Variants in TGFB2 observed in about 807,000 individuals in gnomAD.
TGFB2 encodes transforming growth factor beta-2 proprotein.
A neutral mutation model predicts 42.7 loss-of-function variants in TGFB2; 13 were observed. The observed-to-expected ratio is 0.30, with a 90% CI of 0.20 to 0.48. TGFB2 has a LOEUF of 0.48. Among genes scored for constraint, TGFB2 ranks in the 20% least tolerant of loss-of-function variants. TGFB2 has a pLI of 0.99. For synonymous variants in TGFB2, 193 were observed against 193.6 expected (o/e 1.00, Z 0.03); for missense variants, 390 against 517.5 (o/e 0.75, Z 2.39).
chr1:218,362,871 T>C (rs1487863891), intron 1 of TGFB2, among the ~76,000 whole-genome samples: 1 of 152,202 alleles, frequency 6.6e-6, no homozygotes, highest in African/African-American at 2.4e-5. Flanking sequence ...AGAAGGAGTT[T>C]TCACATGCGG....
intron 6 of TGFB2, among the ~76,000 whole-genome samples, chr1:218,439,783 G>A (rs1019053202): frequency 2.0e-5 from 3 of 152,234 alleles, no homozygotes; most frequent in South Asian, 2.1e-4. Flanking sequence ...GATACACAGA[G>A]GGAGTGTGTG....
At chr1:218,432,921 TTTAG>T (rs1490898714) in intron 2 of TGFB2, among the ~76,000 whole-genome samples, 2 of 152,186 alleles carry the variant, frequency 1.3e-5, no homozygotes, top group African/African-American at 4.8e-5. Flanking sequence ...AGAATCATGA[TTTAG>T]TTCCTAAAAC....
At chr1:218,425,330 C>T (rs1659586645) in intron 2 of TGFB2, among the ~76,000 whole-genome samples, 1 of 152,100 alleles carries the variant, frequency 6.6e-6, no homozygotes, top group Non-Finnish European at 1.5e-5. Flanking sequence ...GCCTCAGCCT[C>T]CCGAGTAGCT....
chr1:218,378,249 T>TCA (rs1657815946), intron 1 of TGFB2, among the ~76,000 whole-genome samples: 1 of 152,204 alleles, frequency 6.6e-6, no homozygotes, highest in African/African-American at 2.4e-5. Context: ...CGATCTTAGC[T>TCA]CACTGCAACC....
chr1:218,348,080 AAAAG>A (rs10671658), intron 1 of TGFB2, among the ~76,000 whole-genome samples: 12 of 152,056 alleles, frequency 7.9e-5, no homozygotes, highest in South Asian at 6.2e-4. Context: ...AAAAAGAAAA[AAAAG>A]AAAGAAAGAA....
intron 1 of TGFB2, among the ~76,000 whole-genome samples, chr1:218,348,901 C>T (rs1305710491): frequency 6.6e-6 from 1 of 152,192 alleles, no homozygotes; most frequent in African/African-American, 2.4e-5. Flanking sequence ...ATCCCATTTA[C>T]TGAATAGGTG....
rs79324905 is a variant in TGFB2, at chr1:218,363,663, T to C, written c.346+16616T>C. Among the ~76,000 whole-genome samples, 94 of 152,258 alleles carry C rather than the reference T, an allele frequency of 6.2e-4. 2 individuals carry two copies. The East Asian group carries it at 0.012, about 20-fold the overall frequency. ...CATGTAAAAGAATGACTTGTGGGGA[T>C]GAGATATGTGTTTTAGGGGTCACAG... On this transcript the variant is annotated intron_variant, in intron 1 of 6. Transcript: ENST00000366930.
At chr1:218,401,361 G>C (rs1658713691) in intron 1 of TGFB2, among the ~76,000 whole-genome samples, 1 of 152,000 alleles carries the variant, frequency 6.6e-6, no homozygotes, top group African/African-American at 2.4e-5. Flanking sequence ...CCAAAATATG[G>C]TTTTGCAGGC....
intron 1 of TGFB2, among the ~76,000 whole-genome samples, chr1:218,366,112 A>C (rs1349030155): frequency 6.6e-6 from 1 of 152,230 alleles, no homozygotes; most frequent in Non-Finnish European, 1.5e-5. Flanking sequence ...AATATTGGTT[A>C]AGATGTGGTT....
At chr1:218,376,216 G>A (rs1310196220) in intron 1 of TGFB2, among the ~76,000 whole-genome samples, 3 of 152,158 alleles carry the variant, frequency 2.0e-5, no homozygotes, top group Admixed American at 1.3e-4. Flanking sequence ...AGTGAATAAG[G>A]CAGAATGACA....
At chr1:218,406,587 T>A (rs945106122) in intron 2 of TGFB2, among the ~76,000 whole-genome samples, 28 of 152,190 alleles carry the variant, frequency 1.8e-4, no homozygotes, top group African/African-American at 6.0e-4. Context: ...ATATGAATAG[T>A]GGTACTTGCA....
chr1:218,391,043 T>C (rs1356976347), intron 1 of TGFB2, among the ~76,000 whole-genome samples: 1 of 152,214 alleles, frequency 6.6e-6, no homozygotes, highest in Non-Finnish European at 1.5e-5. Context: ...CTACTATCTT[T>C]ATATTCTAGA....
Position 218,397,707 on chromosome 1 carries a change from C to G in TGFB2, c.347-7462C>G, listed in dbSNP as rs558174830. ...TCAAGGAGTTTGCTAAAATGCAGAC[C>G]ACCATCCATACTCTTTAAGAAAGAC... On this transcript the variant is annotated intron_variant, in intron 1 of 6. Coordinates refer to ENST00000366930, the MANE Select transcript of TGFB2 (RefSeq NM_003238.6). Among the ~76,000 whole-genome samples, 12 of 152,162 alleles carry G rather than the reference C, an allele frequency of 7.9e-5. No individual in the cohort carries two copies. The South Asian group carries it at 2.5e-3, about 32-fold the overall frequency.
chr1:218,367,245 C>T (rs1024946433), intron 1 of TGFB2, among the ~76,000 whole-genome samples: 3 of 152,158 alleles, frequency 2.0e-5, no homozygotes, highest in Admixed American at 2.0e-4. Context: ...GCGCTGCTGA[C>T]CTCTTGGTGG....
intron 6 of TGFB2, 46 bp from the exon 7 acceptor site, chr1:218,441,158 T>A: frequency 6.4e-7 from 1 of 1,556,264 alleles, no homozygotes; most frequent in South Asian, 1.2e-5. Flanking sequence ...TTGCGTTCAT[T>A]TTCCGTCTTT....
chr1:218,423,405 A>AT (rs2102614904), intron 2 of TGFB2, among the ~76,000 whole-genome samples: 1 of 152,286 alleles, frequency 6.6e-6, no homozygotes, highest in South Asian at 2.1e-4. Context: ...ATCCCGTAGC[A>AT]TTGCATGGGG....
chr1:218,364,889 A>G (rs1657337452), intron 1 of TGFB2, among the ~76,000 whole-genome samples: 1 of 152,162 alleles, frequency 6.6e-6, no homozygotes, highest in South Asian at 2.1e-4. Context: ...TTTTGTTTTT[A>G]TACTCTAAAT....
intron 2 of TGFB2, among the ~76,000 whole-genome samples, chr1:218,414,227 GCA>G (rs5781033): frequency 0.25 from 36,018 of 145,348 alleles, 4,959 homozygotes; most frequent in East Asian, 0.64. Context: ...AAACACATGT[GCA>G]CACACACACA....
chr1:218,405,062 T>C (rs1225635740), intron 1 of TGFB2, 107 bp from the exon 2 acceptor site: 3 of 1,277,488 alleles, frequency 2.3e-6, no homozygotes, highest in Admixed American at 4.6e-5. Context: ...TGGAAACTAT[T>C]CTGTAGATAT....
Sources: gnomAD v4.1 joint callset for allele counts (sites outside exome capture counted in the v4.1 genomes callset) on GRCh38, gnomAD v4.1.1 for gene constraint, MANE v1.5 for transcripts, NCBI Gene and HGNC (gene_info 2026-07-23, HGNC 2026-07-21) for gene names.